UVRAG: variants seen among roughly 807,000 people sequenced by gnomAD.
The protein encoded by UVRAG is UV radiation resistance associated.
A neutral mutation model predicts 78.0 loss-of-function variants in UVRAG; 19 were observed. That is an observed-to-expected ratio of 0.24 (90% CI 0.17 to 0.36). UVRAG has a LOEUF of 0.36. Ranked by LOEUF, UVRAG falls within the 10% of genes least tolerant of loss-of-function variation. The pLI is 1.00. For missense variants in UVRAG, 740 were observed against 853.8 expected (o/e 0.87, Z 1.66); for synonymous variants, 323 against 324.6 (o/e 1.00, Z 0.05).
intron 12 of UVRAG, among the ~76,000 whole-genome samples, chr11:76,046,175 G>GAAA (rs1950751312): frequency 6.6e-6 from 1 of 152,162 alleles, no homozygotes; most frequent in African/African-American, 2.4e-5. Context: ...TAAAAGGGTA[G>GAAA]AAAAAAGACT....
intron 6 of UVRAG, among the ~76,000 whole-genome samples, chr11:75,913,815 C>T (rs2135036465): frequency 6.6e-6 from 1 of 152,300 alleles, no homozygotes; most frequent in East Asian, 1.9e-4. Context: ...CTTTAGAAAA[C>T]ACAATGCCCT....
At chr11:75,919,059 A>G (rs1055860470) in intron 6 of UVRAG, among the ~76,000 whole-genome samples, 1 of 152,204 alleles carries the variant, frequency 6.6e-6, no homozygotes, top group Non-Finnish European at 1.5e-5. Context: ...GCTAGAAAGT[A>G]CTGTCAACTA....
intron 7 of UVRAG, among the ~76,000 whole-genome samples, chr11:75,970,927 A>G (rs1175568316): frequency 6.6e-6 from 1 of 152,110 alleles, no homozygotes; most frequent in Non-Finnish European, 1.5e-5. Flanking sequence ...ATACAGTTCT[A>G]TGAGTTTTGA....
rs79148267 is a variant in UVRAG, at chr11:76,143,904, C to G, written c.*2491C>G. Among the ~76,000 whole-genome samples, 2,092 of 152,204 alleles carry G rather than the reference C, an allele frequency of 0.014. 43 individuals carry two copies. The highest frequency in any genetic ancestry group is 0.046 in the African/African-American group (1,920 of 41,532). On this transcript the variant is annotated 3_prime_UTR_variant, in exon 15 of 15. Transcript: ENST00000356136. ...TATCTATTTCTGAACTGCTAAGAAC[C>G]CTTTCAGTTTTCTTACAGCTGAGAC... is the stretch of plus-strand genomic sequence containing the variant.
In UVRAG at chr11:75,972,901, G is replaced by A. The variant is rs190462124; in HGVS notation, c.700-10486G>A. On this transcript the variant is annotated intron_variant, in intron 7 of 14. Transcript: ENST00000356136. ...TATATTCTGCAATCTTGCTATAATT[G>A]CTTTTTCTAGGAGGGTGTTTTTTTG... 2.6e-5 allele frequency among the ~76,000 whole-genome samples: 4 copies of A among 152,160 alleles called. No homozygotes were observed. In the East Asian group the frequency reaches 7.7e-4, roughly 29 times the overall value.
At chr11:75,878,908 GGAGGGGGAGGGA>G (rs1436231285) in intron 3 of UVRAG, among the ~76,000 whole-genome samples, 25 of 148,674 alleles carry the variant, frequency 1.7e-4, no homozygotes, top group Non-Finnish European at 3.5e-4. Flanking sequence ...ACAGGGAGGG[GGAGGGGGAGGGA>G]GAGGGAGAGG....
intron 6 of UVRAG, among the ~76,000 whole-genome samples, chr11:75,949,314 C>T (rs971191936): frequency 6.6e-6 from 1 of 152,016 alleles, no homozygotes; most frequent in African/African-American, 2.4e-5. Context: ...TTTTTTCCCC[C>T]CTAATTTCTT....
chr11:75,906,557 A>G (rs545197241), intron 5 of UVRAG, among the ~76,000 whole-genome samples: 17 of 152,290 alleles, frequency 1.1e-4, no homozygotes, highest in African/African-American at 3.8e-4. Context: ...CATGTTAGCT[A>G]GGCTGGTCTC....
At chr11:76,073,476 T>C (rs932279501) in intron 13 of UVRAG, among the ~76,000 whole-genome samples, 2 of 152,228 alleles carry the variant, frequency 1.3e-5, no homozygotes, top group African/African-American at 4.8e-5. Context: ...AGATCGCTTG[T>C]GTCTGCCACC....
intron 6 of UVRAG, among the ~76,000 whole-genome samples, chr11:75,936,232 T>C (rs911893519): frequency 3.0e-4 from 46 of 152,254 alleles, no homozygotes; most frequent in African/African-American, 1.1e-3. Flanking sequence ...GTTTCTTCTC[T>C]GTGAAGTTAA....
chr11:75,942,751 G>T (rs1375609741), intron 6 of UVRAG, among the ~76,000 whole-genome samples: 1 of 152,130 alleles, frequency 6.6e-6, no homozygotes, highest in Non-Finnish European at 1.5e-5. Flanking sequence ...GAAGCGAATT[G>T]TCTAGTTGAA....
At chr11:76,051,322 G>A (rs572692312) in intron 12 of UVRAG, among the ~76,000 whole-genome samples, 1 of 151,956 alleles carries the variant, frequency 6.6e-6, no homozygotes, top group South Asian at 2.1e-4. Context: ...GGCAAATGCA[G>A]GATGGCTGTT....
At chr11:76,104,447 TG>T (rs1951935735) in intron 13 of UVRAG, among the ~76,000 whole-genome samples, 1 of 152,184 alleles carries the variant, frequency 6.6e-6, no homozygotes, top group African/African-American at 2.4e-5. Context: ...AGTGTTGTAG[TG>T]AGGACTTAAT....
intron 7 of UVRAG, among the ~76,000 whole-genome samples, chr11:75,964,453 T>C (rs958147907): frequency 6.6e-6 from 1 of 152,254 alleles, no homozygotes; most frequent in African/African-American, 2.4e-5. Context: ...TTGTAGCTTG[T>C]GTCTTTCAAG....
At chr11:76,106,782 C>T (rs1469832405) in intron 13 of UVRAG, among the ~76,000 whole-genome samples, 1 of 152,128 alleles carries the variant, frequency 6.6e-6, no homozygotes, top group East Asian at 1.9e-4. Flanking sequence ...TCGAGGTACA[C>T]AGGACTATCA....
At chr11:76,134,848 C>T (rs939510480) in intron 14 of UVRAG, among the ~76,000 whole-genome samples, 1 of 152,196 alleles carries the variant, frequency 6.6e-6, no homozygotes, top group Non-Finnish European at 1.5e-5. Flanking sequence ...AGTCATATAA[C>T]TCAGGGGTGC....
At chr11:75,889,434 T>C (rs1947168518) in intron 5 of UVRAG, among the ~76,000 whole-genome samples, 1 of 152,188 alleles carries the variant, frequency 6.6e-6, no homozygotes, top group Non-Finnish European at 1.5e-5. Flanking sequence ...ACCAATGTGG[T>C]TTGTTTTGTC....
intron 7 of UVRAG, among the ~76,000 whole-genome samples, chr11:75,971,430 A>G (rs1025804758): frequency 3.0e-4 from 45 of 152,212 alleles, no homozygotes; most frequent in African/African-American, 1.1e-3. Flanking sequence ...ACTCTGCCAA[A>G]GTGGCTGTAC....
At chr11:75,873,731 G>C (rs1946701311) in intron 3 of UVRAG, among the ~76,000 whole-genome samples, 1 of 152,132 alleles carries the variant, frequency 6.6e-6, no homozygotes, top group African/African-American at 2.4e-5. Context: ...TTGCTTGTTT[G>C]TCCTGTAGTT....
Sources: allele counts gnomAD v4.1 joint callset (sites outside exome capture counted in the v4.1 genomes callset), GRCh38; gene constraint gnomAD v4.1.1; transcripts MANE v1.5; gene names NCBI Gene and HGNC (gene_info 2026-07-23, HGNC 2026-07-21).